TRIM13: variants seen among roughly 807,000 people sequenced by gnomAD.
TRIM13 encodes the protein tripartite motif containing 13.
Under a neutral mutation model 27.1 loss-of-function variants are expected in TRIM13, and 15 were observed. The ratio of observed to expected loss-of-function variants is 0.55; its 90% CI spans 0.37 to 0.85. The LOEUF (loss-of-function observed/expected upper bound fraction) is 0.85. Among genes scored for constraint, TRIM13 ranks in the 40% least tolerant of loss-of-function variants. The pLI is 0.00. For synonymous variants in TRIM13, 193 were observed against 171.5 expected (o/e 1.13, Z -0.98); for missense variants, 402 against 472.2 (o/e 0.85, Z 1.38).
chr13:50,006,685 C>CT (rs1874753191), intron 1 of TRIM13, among the ~76,000 whole-genome samples: 1 of 152,092 alleles, frequency 6.6e-6, no homozygotes, highest in Non-Finnish European at 1.5e-5. Context: ...AGAAGACAAA[C>CT]TAAGTTGAGT....
chr13:50,004,627 A>G (rs1169936435), intron 1 of TRIM13, among the ~76,000 whole-genome samples: 1 of 151,796 alleles, frequency 6.6e-6, no homozygotes, highest in African/African-American at 2.4e-5. Context: ...GCCAGGTGGT[A>G]GTGGTGCATG....
chr13:50,011,387 A>G (rs1414378932), intron 1 of TRIM13, among the ~76,000 whole-genome samples: 3 of 152,088 alleles, frequency 2.0e-5, no homozygotes, highest in Admixed American at 6.5e-5. Flanking sequence ...GTGAATTGCA[A>G]CTCTCATCTT....
intron 1 of TRIM13, among the ~76,000 whole-genome samples, chr13:49,999,405 T>C (rs1873741824): frequency 6.6e-6 from 1 of 152,282 alleles, no homozygotes; most frequent in African/African-American, 2.4e-5. Context: ...GAGGAACCTT[T>C]CCCTATTAAA....
chr13:50,010,959 A>G (rs1051730321), intron 1 of TRIM13, among the ~76,000 whole-genome samples: 25 of 152,206 alleles, frequency 1.6e-4, no homozygotes, highest in African/African-American at 5.3e-4. Context: ...TTGTCACGCA[A>G]TATATTAAAA....
chr13:50,009,060 TTA>T (rs888922324), intron 1 of TRIM13, among the ~76,000 whole-genome samples: 1 of 150,756 alleles, frequency 6.6e-6, no homozygotes, highest in Non-Finnish European at 1.5e-5. Context: ...CCCAAGAACT[TTA>T]TGTTTGTACT....
At position 50,015,833 on chromosome 13, in the gene TRIM13, T is replaced by C. The variant is rs1876470593; in HGVS notation, c.*2669T>C. On this transcript the variant is annotated 3_prime_UTR_variant, in exon 2 of 2. Coordinates refer to ENST00000378182, the MANE Select transcript of TRIM13 (RefSeq NM_213590.3). ...AAGACCTGCTCTTGTGGAGGTACAT[T>C]TCCTAAGCCGGAACACTCAAGCTTT... is the stretch of plus-strand genomic sequence containing the variant. 1.2e-6 allele frequency: 2 copies of C among 1,614,154 alleles called. No homozygotes were observed. Among genetic ancestry groups the C allele is most frequent in the East Asian group, 4.5e-5 (2 of 44,884 alleles).
intron 1 of TRIM13, among the ~76,000 whole-genome samples, chr13:50,004,399 A>G (rs1439785373): frequency 6.6e-6 from 1 of 152,012 alleles, no homozygotes; most frequent in Admixed American, 6.6e-5. Flanking sequence ...GGGGAGGTCA[A>G]AGCTACAGTG....
chr13:50,012,788 C>T lies in TRIM13; in HGVS notation c.848C>T (p.Thr283Ile), dbSNP rs1003940021. Residue 283 changes from threonine to isoleucine, a missense_variant, in exon 2 of 2, where the codon ACC (threonine) becomes ATC (isoleucine). Thr to Ile is a moderately conservative substitution (Grantham distance 89, BLOSUM62 -1). Transcript: ENST00000378182. ...PASPLMKNFD[T>I]SQWEDIKLVD... ...AGCCCTTTAATGAAGAACTTTGATA[C>T]CAGTCAGTGGGAAGACATAAAACTA... 1.2e-6 allele frequency: 2 copies of T among 1,613,908 alleles called. No homozygotes were observed. The highest frequency in any genetic ancestry group is 1.3e-5 in the African/African-American group (1 of 74,886).
rs1482529039 is a variant in TRIM13 at position 50,005,945 on chromosome 13, G to A, written c.-6-5990G>A. Among the ~76,000 whole-genome samples the A allele has an allele frequency of 5.8e-4, 88 of 151,668 alleles. 2 individuals are homozygous for A. Among genetic ancestry groups the A allele is most frequent in the Non-Finnish European group, 7.4e-5 (5 of 67,976 alleles). ...TGGGCCAGGCTGGTCTCGAACTCCC[G>A]ACCTCATCTGCCCACCTCGGCGGCC... On this transcript the variant is annotated intron_variant, in intron 1 of 1. Transcript: ENST00000378182.
chr13:50,012,574 A>G lies in TRIM13; in HGVS notation c.634A>G (p.Met212Val). The G allele has an allele frequency of 6.2e-7, 1 of 1,614,180 alleles. No homozygotes were observed. The highest frequency in any genetic ancestry group is 1.1e-5 in the South Asian group (1 of 91,086). ...CTTTGAGACCATGAAACTTGCTGTT[A>G]TGCAAGCATATGACCCAGAGATCAA... ...SDFETMKLAV[M>V]QAYDPEINKL... The change falls in exon 2 of 2, where the codon ATG (methionine) becomes GTG (valine). Residue 212 changes from methionine to valine, a missense_variant. This residue lies in a region of TRIM13 where 202 missense variants were observed against 277.5 expected (regional missense o/e 0.73). Coordinates refer to ENST00000378182, the MANE Select transcript of TRIM13 (RefSeq NM_213590.3).
chr13:50,013,180 T>A lies in TRIM13; in HGVS notation c.*16T>A, dbSNP rs202236061. ...ACTATTATAAAATCTGTTTCAAGTA[T>A]GCAGTTTTCTTTTGTTAGAAATTGT... is the stretch of plus-strand genomic sequence containing the variant. On this transcript the variant is annotated 3_prime_UTR_variant, in exon 2 of 2. Coordinates refer to ENST00000378182, the MANE Select transcript of TRIM13 (RefSeq NM_213590.3). The A allele has an allele frequency of 1.4e-5, 21 of 1,521,422 alleles. No homozygotes were observed. The highest frequency in any genetic ancestry group is 1.8e-5 in the Non-Finnish European group (21 of 1,137,816). The allele number at this position is 1,521,422 out of a possible 1,614,324, so 94.2% of individuals were successfully genotyped here.
chr13:50,006,521 C>G (rs1201966092), intron 1 of TRIM13, among the ~76,000 whole-genome samples: 1 of 152,028 alleles, frequency 6.6e-6, no homozygotes, highest in Admixed American at 6.6e-5. Flanking sequence ...ATTGCCTTCT[C>G]AAAAATCTGG....
chr13:49,998,926 C>T (rs1873628786), intron 1 of TRIM13, among the ~76,000 whole-genome samples: 1 of 132,342 alleles, frequency 7.6e-6, no homozygotes, highest in Non-Finnish European at 1.6e-5. Flanking sequence ...CGAGACTCTA[C>T]CAAAAAAAAA....
intron 1 of TRIM13, among the ~76,000 whole-genome samples, chr13:50,008,147 C>A (rs1428048906): frequency 6.6e-6 from 1 of 152,036 alleles, no homozygotes; most frequent in Non-Finnish European, 1.5e-5. Flanking sequence ...CCTCGTGATC[C>A]GCCTGCCTCG....
intron 1 of TRIM13, among the ~76,000 whole-genome samples, chr13:50,002,838 T>G (rs774660900): frequency 6.6e-6 from 1 of 152,092 alleles, no homozygotes; most frequent in South Asian, 2.1e-4. Flanking sequence ...AATTTTTGTA[T>G]TTTTAGTAGA....
At chr13:50,003,069 TTAAC>T (rs1874246508) in intron 1 of TRIM13, among the ~76,000 whole-genome samples, 1 of 152,186 alleles carries the variant, frequency 6.6e-6, no homozygotes, top group African/African-American at 2.4e-5. Context: ...GAAAATAAGA[TTAAC>T]TAGTGTGCTG....
chr13:50,015,852 A>G lies in TRIM13; in HGVS notation c.*2688A>G. On this transcript the variant is annotated 3_prime_UTR_variant, in exon 2 of 2. Coordinates refer to ENST00000378182, the MANE Select transcript of TRIM13 (RefSeq NM_213590.3). ...GTACATTTCCTAAGCCGGAACACTC[A>G]AGCTTTTTTCAGGGTGTTTGGCTCT... The G allele has an allele frequency of 6.2e-7, 1 of 1,614,080 alleles. No homozygotes were observed.
chr13:49,998,112 T>C (rs1245396535), intron 1 of TRIM13, among the ~76,000 whole-genome samples: 2 of 152,182 alleles, frequency 1.3e-5, no homozygotes, highest in Non-Finnish European at 2.9e-5. Context: ...GAGACCTTTA[T>C]ATAATAGGCA....
In TRIM13 at chr13:50,011,294, C is replaced by A. The variant is rs999861792; in HGVS notation, c.-6-641C>A. Among the ~76,000 whole-genome samples, 10 of 152,284 alleles carry A rather than the reference C, an allele frequency of 6.6e-5. No individual in the cohort carries two copies. The East Asian group carries it at 1.5e-3, about 23-fold the overall frequency. On this transcript the variant is annotated intron_variant, in intron 1 of 1. Transcript: ENST00000378182. ...CACCACATTGTGAAAATTGATGATT[C>A]TAGATAATACAAAATGGCTTCTGTT...
Sources: allele counts gnomAD v4.1 joint callset (sites outside exome capture counted in the v4.1 genomes callset), GRCh38; gene constraint gnomAD v4.1.1; regional missense constraint gnomAD v4.1.1; transcripts MANE v1.5; gene names NCBI Gene and HGNC (gene_info 2026-07-23, HGNC 2026-07-21).